Variants in PSMC4 observed in about 807,000 individuals in gnomAD.
PSMC4 encodes the protein proteasome 26S subunit, ATPase 4.
Under a neutral mutation model 48.4 loss-of-function variants are expected in PSMC4, and 13 were observed. The ratio of observed to expected loss-of-function variants is 0.27; its 90% CI spans 0.18 to 0.43. The LOEUF is 0.43. Among genes scored for constraint, PSMC4 ranks in the 20% least tolerant of loss-of-function variants. PSMC4 has a pLI of 1.00. For missense variants in PSMC4, 262 were observed against 555.9 expected (o/e 0.47, Z 5.32); for synonymous variants, 202 against 212.3 (o/e 0.95, Z 0.42).
Position 39,974,639 on chromosome 19 carries a change from G to A in PSMC4, c.579+6G>A. On this transcript the variant is annotated splice_donor_region_variant and intron_variant, in intron 5 of 10. Coordinates refer to ENST00000157812, the MANE Select transcript of PSMC4 (RefSeq NM_006503.4). This position sits in a 1 kb window ranked among gnomAD's most constrained non-coding sequence, Gnocchi z 5.5. ...ATTTCGAGCTCTACAAGCAGGTGAG[G>A]CGGTGCAGGTGGCAGGGAAGGGAGA... 6.2e-7 allele frequency: 1 copy of A among 1,613,864 alleles called. No individual in the cohort carries two copies.
chr19:39,972,092 A>G, intron 1 of PSMC4, 54 bp from the exon 2 acceptor site: 1 of 1,516,474 alleles, frequency 6.6e-7, no homozygotes, highest in South Asian at 1.1e-5. Flanking sequence ...GAAGTTGGGA[A>G]GCTTTCATGA....
chr19:39,974,833 G>A lies in PSMC4; in HGVS notation c.673+5G>A. 1 of 1,611,686 alleles carries A rather than the reference G, an allele frequency of 6.2e-7. No homozygotes were observed. Among genetic ancestry groups the A allele is most frequent in the Non-Finnish European group, 8.5e-7 (1 of 1,178,036 alleles). On this transcript the variant is annotated splice_donor_5th_base_variant and intron_variant, in intron 6 of 10. Transcript: ENST00000157812. The surrounding 1 kb of genome is among the most constrained non-coding windows in gnomAD (Gnocchi z 5.5). ...CGGTGGCACATCACACAACAGGTGA[G>A]CCCTTTCGCCCCTGCCCCGAGCTCT... is the stretch of plus-strand genomic sequence containing the variant.
At chr19:39,971,339 C>T in intron 1 of PSMC4, 101 bp downstream of exon 1, 2 of 1,451,798 alleles carry the variant, frequency 1.4e-6, no homozygotes, top group East Asian at 2.3e-5. Context: ...GACCCCGGCC[C>T]AGGTTGGGGT....
chr19:39,974,468 GC>G lies in PSMC4; in HGVS notation c.469+32del. 6.2e-7 allele frequency: 1 copy of G among 1,613,442 alleles called. No individual in the cohort carries two copies. Among genetic ancestry groups the G allele is most frequent in the Non-Finnish European group, 8.5e-7 (1 of 1,179,562 alleles). On this transcript the variant is annotated intron_variant, in intron 4 of 10. Transcript: ENST00000157812. The surrounding 1 kb of genome is among the most constrained non-coding windows in gnomAD (Gnocchi z 5.5). ...AAAGGGGGAGCCTGCAGCTGGGAGG[GC>G]CCCATGGGGACCTTGAGGACCTGGC...
intron 6 of PSMC4, among the ~76,000 whole-genome samples, chr19:39,978,711 T>C (rs147123002): frequency 2.2e-4 from 34 of 152,146 alleles, no homozygotes; most frequent in African/African-American, 8.0e-4. Context: ...GAAACAAGTG[T>C]AACTTTAAGA....
chr19:39,971,400 G>C (rs903457931), intron 1 of PSMC4, among the ~76,000 whole-genome samples, 162 bp downstream of exon 1: 2 of 152,172 alleles, frequency 1.3e-5, no homozygotes, highest in Non-Finnish European at 2.9e-5. Context: ...GGCCTGTCTG[G>C]GTGGCCGAGT....
rs1971155423 is a variant in PSMC4 at position 39,974,227 on chromosome 19, AGGGAGGAAGG to A, written c.323-62_323-53del. Reference sequence around the variant, plus strand: ...GAGATGTTGGGGTGTGGAGATTAGGAGGGAGGAAGGGGGAAGGGGCAGTTTCCAGGCTGAC... The same window carrying A: ...GAGATGTTGGGGTGTGGAGATTAGGAGGGAAGGGGCAGTTTCCAGGCTGAC... On this transcript the variant is annotated intron_variant, in intron 3 of 10. Coordinates refer to ENST00000157812, the MANE Select transcript of PSMC4 (RefSeq NM_006503.4). This position sits in a 1 kb window ranked among gnomAD's most constrained non-coding sequence, Gnocchi z 5.5. 2.5e-6 allele frequency: 4 copies of A among 1,581,684 alleles called. No homozygotes were observed. The highest frequency in any genetic ancestry group is 3.4e-6 in the Non-Finnish European group (4 of 1,159,510).
chr19:39,980,751 G>A lies in PSMC4; in HGVS notation c.1143+34G>A, dbSNP rs201100542. On this transcript the variant is annotated intron_variant, in intron 10 of 10. Coordinates refer to ENST00000157812, the MANE Select transcript of PSMC4 (RefSeq NM_006503.4). The surrounding 1 kb of genome is among the most constrained non-coding windows in gnomAD (Gnocchi z 4.8). The stretch of plus-strand genomic sequence containing the variant: ...TGGTTTCTCTCTGGATCCAGGCAGC[G>A]GGTGTGTGAGGACCCTTCTTCTCTG... The A allele has an allele frequency of 2.8e-5, 45 of 1,599,914 alleles. No individual in the cohort carries two copies. Among genetic ancestry groups the A allele is most frequent in the Non-Finnish European group, 3.2e-5 (37 of 1,167,252 alleles).
rs151179506 is a variant in PSMC4 at position 39,977,769 on chromosome 19, C to T, written c.674-2048C>T. Among the ~76,000 whole-genome samples the T allele has an allele frequency of 6.7e-3, 1,011 of 151,782 alleles. 4 individuals are homozygous for T. Among genetic ancestry groups the T allele is most frequent in the Non-Finnish European group, 0.012 (790 of 67,918 alleles). On this transcript the variant is annotated intron_variant, in intron 6 of 10. Coordinates refer to ENST00000157812, the MANE Select transcript of PSMC4 (RefSeq NM_006503.4). The stretch of plus-strand genomic sequence containing the variant: ...CCCAGGAGGCCAAGGTTGCAGTGAG[C>T]GAAGATCGCACCATTGCACTCCAGC...
At chr19:39,971,289 G>T in intron 1 of PSMC4, 51 bp downstream of exon 1, 1 of 1,611,056 alleles carries the variant, frequency 6.2e-7, no homozygotes, top group Non-Finnish European at 8.5e-7. Context: ...GCGGGGAGAG[G>T]GTGAAGCCAG....
In PSMC4 at chr19:39,974,580, G is replaced by T. The variant is rs763358989; in HGVS notation, c.526G>T (p.Glu176Ter). The T allele has an allele frequency of 2.5e-6, 4 of 1,614,010 alleles. No homozygotes were observed. The highest frequency in any genetic ancestry group is 3.4e-6 in the Non-Finnish European group (4 of 1,180,042). The change falls in exon 5 of 11, where the codon GAG (glutamate) becomes TAG (stop). Residue 176 changes from glutamate to a stop codon, truncating the protein, a stop_gained. Coordinates refer to ENST00000157812, the MANE Select transcript of PSMC4 (RefSeq NM_006503.4). LOFTEE classifies it high-confidence loss of function. This position sits in a 1 kb window ranked among gnomAD's most constrained non-coding sequence, Gnocchi z 5.5. Reference sequence around the variant, plus strand: ...CGGAGGCATGGACATCCAGAAGCAGGAGGTGCGGGAGGCCGTGGAGCTCCC... The same window carrying T: ...CGGAGGCATGGACATCCAGAAGCAGTAGGTGCGGGAGGCCGTGGAGCTCCC... ...DIGGMDIQKQ[E>*]VREAVELPLT...
Position 39,974,228 on chromosome 19 carries a change from G to A in PSMC4, c.323-66G>A. On this transcript the variant is annotated intron_variant, in intron 3 of 10. Coordinates refer to ENST00000157812, the MANE Select transcript of PSMC4 (RefSeq NM_006503.4). The surrounding 1 kb of genome is among the most constrained non-coding windows in gnomAD (Gnocchi z 5.5). ...AGATGTTGGGGTGTGGAGATTAGGA[G>A]GGAGGAAGGGGGAAGGGGCAGTTTC... The A allele has an allele frequency of 6.3e-7, 1 of 1,583,554 alleles. No individual in the cohort carries two copies. Among genetic ancestry groups the A allele is most frequent in the Non-Finnish European group, 8.6e-7 (1 of 1,160,742 alleles).
intron 3 of PSMC4, among the ~76,000 whole-genome samples, chr19:39,973,970 A>AGG (rs1333789761): frequency 6.6e-6 from 1 of 151,968 alleles, no homozygotes; most frequent in Non-Finnish European, 1.5e-5. Context: ...AGCACATGGG[A>AGG]GGTGTCCAGG....
chr19:39,973,104 G>T (rs1172298150), intron 3 of PSMC4, among the ~76,000 whole-genome samples: 1 of 152,170 alleles, frequency 6.6e-6, no homozygotes, highest in Non-Finnish European at 1.5e-5. Context: ...TTAGATAGAT[G>T]TGTAAAACAT....
At position 39,980,770 on chromosome 19, in the gene PSMC4, T is replaced by C; in HGVS notation, c.1143+53T>C. On this transcript the variant is annotated intron_variant, in intron 10 of 10. Transcript: ENST00000157812. This position sits in a 1 kb window ranked among gnomAD's most constrained non-coding sequence, Gnocchi z 4.8. ...GGCAGCGGGTGTGTGAGGACCCTTC[T>C]TCTCTGAACCACTCTGCTGCAGTCC... 6.4e-7 allele frequency: 1 copy of C among 1,561,416 alleles called. No homozygotes were observed. Among genetic ancestry groups the C allele is most frequent in the Non-Finnish European group, 8.8e-7 (1 of 1,132,442 alleles).
In PSMC4 at chr19:39,974,960, C is replaced by T; in HGVS notation, c.673+132C>T. The T allele has an allele frequency of 1.2e-6, 1 of 848,144 alleles. No individual in the cohort carries two copies. The highest frequency in any genetic ancestry group is 2.7e-5 in the East Asian group (1 of 37,310). The allele number at this position is 848,144 out of a possible 1,614,324, so 52.5% of individuals were successfully genotyped here. ...ATAGCCCACGTGTGCATGTTACTGGCTGTGCTGACTTCACCTCCTTGGGCC... is the reference window on the plus strand; with the variant it reads ...ATAGCCCACGTGTGCATGTTACTGGTTGTGCTGACTTCACCTCCTTGGGCC... On this transcript the variant is annotated intron_variant, in intron 6 of 10. Transcript: ENST00000157812. The surrounding 1 kb of genome is among the most constrained non-coding windows in gnomAD (Gnocchi z 5.5).
At chr19:39,976,110 G>A (rs971408419) in intron 6 of PSMC4, among the ~76,000 whole-genome samples, 9 of 151,828 alleles carry the variant, frequency 5.9e-5, no homozygotes, top group Non-Finnish European at 1.2e-4. Context: ...GGTGGCGGTC[G>A]CCTGTAGTCC....
chr19:39,978,877 G>C (rs1056957909), intron 6 of PSMC4, among the ~76,000 whole-genome samples: 1 of 152,030 alleles, frequency 6.6e-6, no homozygotes, highest in Non-Finnish European at 1.5e-5. Flanking sequence ...AGCTAGGTGT[G>C]GGGACATGCC....
Position 39,980,786 on chromosome 19 carries a change from G to A in PSMC4, c.1143+69G>A. ...GGACCCTTCTTCTCTGAACCACTCT[G>A]CTGCAGTCCTGTCCCCTCATGGCTG... On this transcript the variant is annotated intron_variant, in intron 10 of 10. Coordinates refer to ENST00000157812, the MANE Select transcript of PSMC4 (RefSeq NM_006503.4). The surrounding 1 kb of genome is among the most constrained non-coding windows in gnomAD (Gnocchi z 4.8). 6.6e-7 allele frequency: 1 copy of A among 1,504,236 alleles called. No individual in the cohort carries two copies. Among genetic ancestry groups the A allele is most frequent in the Non-Finnish European group, 9.3e-7 (1 of 1,080,434 alleles). The allele number at this position is 1,504,236 out of a possible 1,614,324, so 93.2% of individuals were successfully genotyped here.
Sources: allele counts gnomAD v4.1 joint callset (sites outside exome capture counted in the v4.1 genomes callset), GRCh38; gene constraint gnomAD v4.1.1; non-coding constraint Gnocchi (gnomAD v3.1); transcripts MANE v1.5; gene names NCBI Gene and HGNC (gene_info 2026-07-23, HGNC 2026-07-21).